SORCS3: variants seen among roughly 807,000 people sequenced by gnomAD.
The protein encoded by SORCS3 is VPS10 domain-containing receptor SorCS3.
A neutral mutation model predicts 146.3 loss-of-function variants in SORCS3; 57 were observed. The ratio of observed to expected loss-of-function variants is 0.39; its 90% CI spans 0.31 to 0.49. The LOEUF is 0.49. Among genes scored for constraint, SORCS3 ranks in the 20% least tolerant of loss-of-function variants. The probability of loss-of-function intolerance (pLI) is 0.92; values close to 1 mark genes in which losing one functional copy is unlikely to be tolerated. For synonymous variants in SORCS3, 653 were observed against 618.5 expected, an observed-to-expected ratio of 1.06 and a Z score of -0.83; for missense variants, 1,341 against 1,575.5, an observed-to-expected ratio of 0.85 and a Z score of 2.52.
chr10:104,975,263 A>G (rs555634743), intron 3 of SORCS3, among the ~76,000 whole-genome samples: 5 of 152,296 alleles, frequency 3.3e-5, no homozygotes, highest in African/African-American at 9.6e-5. Context: ...TTATACACCA[A>G]TAACAGACAA....
At chr10:104,711,900 G>A (rs1209998160) in intron 1 of SORCS3, among the ~76,000 whole-genome samples, 1 of 152,000 alleles carries the variant, frequency 6.6e-6, no homozygotes, top group African/African-American at 2.4e-5. Context: ...AGTGAAGGAG[G>A]ATGGAACTAG....
intron 7 of SORCS3, among the ~76,000 whole-genome samples, chr10:105,109,763 T>C (rs1407203678): frequency 6.6e-6 from 1 of 152,042 alleles, no homozygotes; most frequent in African/African-American, 2.4e-5. Context: ...TTGGCCAATA[T>C]ATTGTTATCA....
intron 1 of SORCS3, chr10:104,822,249 G>A (rs1320688803): frequency 2.9e-6 from 1 of 344,722 alleles, no homozygotes; most frequent in Admixed American, 3.9e-5. Flanking sequence ...TTAGACCAGA[G>A]TCAACACACA....
At chr10:105,133,119 C>T (rs1055679627) in intron 7 of SORCS3, among the ~76,000 whole-genome samples, 87 of 152,112 alleles carry the variant, frequency 5.7e-4, no homozygotes, top group African/African-American at 2.0e-3. Context: ...CCCTGAAGGG[C>T]TGTGCGATCT....
At chr10:104,905,289 A>C (rs1564710158) in intron 2 of SORCS3, among the ~76,000 whole-genome samples, 1 of 152,196 alleles carries the variant, frequency 6.6e-6, no homozygotes, top group Admixed American at 6.5e-5. Context: ...TTAGAGGCTC[A>C]AAAAGGAGAG....
At chr10:105,237,430 C>T (rs561552059) in intron 20 of SORCS3, among the ~76,000 whole-genome samples, 1 of 152,244 alleles carries the variant, frequency 6.6e-6, no homozygotes, top group South Asian at 2.1e-4. Flanking sequence ...CTGTTGTGCC[C>T]ATCATTTGCA....
intron 20 of SORCS3, among the ~76,000 whole-genome samples, chr10:105,234,217 C>G (rs1323785495): frequency 1.3e-5 from 2 of 152,022 alleles, no homozygotes; most frequent in Non-Finnish European, 1.5e-5. Context: ...TTCTTGCTTA[C>G]ATGGTTTCTG....
rs869126985 is a variant in SORCS3 at position 104,698,271 on chromosome 10, CCCTGAGACCCAAGG to C, written c.627+56331_627+56344del. Among the ~76,000 whole-genome samples the C allele has an allele frequency of 9.9e-5, 15 of 152,146 alleles. 1 individual carries two copies. Among genetic ancestry groups the C allele is most frequent in the African/African-American group, 3.4e-4 (14 of 41,490 alleles). Reference sequence around the variant, plus strand: ...AGTGGCTTGTACAGAGTCACATGGGCCCTGAGACCCAAGGCCTGAGACCCAAGCCCTGATTTCCT... The same window carrying C: ...AGTGGCTTGTACAGAGTCACATGGGCCCTGAGACCCAAGCCCTGATTTCCT... On this transcript the variant is annotated intron_variant, in intron 1 of 26. Coordinates refer to ENST00000369701, the MANE Select transcript of SORCS3 (RefSeq NM_014978.3).
chr10:104,662,070 G>C (rs533784392), intron 1 of SORCS3, among the ~76,000 whole-genome samples: 102 of 152,272 alleles, frequency 6.7e-4, no homozygotes, highest in South Asian at 6.6e-3. Context: ...AGAGAAGTTA[G>C]ATTATCAAGC....
At chr10:105,135,547 G>A (rs543297374) in intron 7 of SORCS3, among the ~76,000 whole-genome samples, 18 of 152,254 alleles carry the variant, frequency 1.2e-4, no homozygotes, top group Admixed American at 1.2e-3. Context: ...ACATGGCCAG[G>A]CTGAGAATTT....
At chr10:104,751,884 C>T (rs534143823) in intron 1 of SORCS3, among the ~76,000 whole-genome samples, 62 of 126,118 alleles carry the variant, frequency 4.9e-4, no homozygotes, top group Admixed American at 2.9e-3. Context: ...CAATTAAGTT[C>T]TTATATGCTC....
intron 4 of SORCS3, among the ~76,000 whole-genome samples, chr10:105,016,449 T>G (rs1242049318): frequency 4.6e-5 from 7 of 151,878 alleles, no homozygotes; most frequent in Middle Eastern, 3.2e-3. Context: ...GTGCCTGGCC[T>G]TATAAATATA....
chr10:104,834,571 C>T (rs146382858), intron 1 of SORCS3, among the ~76,000 whole-genome samples: 1 of 151,842 alleles, frequency 6.6e-6, no homozygotes, highest in African/African-American at 2.4e-5. Context: ...CACCTGCCAC[C>T]CCCCCAGCCC....
At chr10:104,838,074 A>C (rs1446956897) in intron 1 of SORCS3, among the ~76,000 whole-genome samples, 1 of 152,156 alleles carries the variant, frequency 6.6e-6, no homozygotes, top group Non-Finnish European at 1.5e-5. Context: ...GAAGATTGAG[A>C]ATTGCCCAGT....
chr10:105,144,143 A>G (rs779552854), intron 8 of SORCS3, among the ~76,000 whole-genome samples: 2 of 152,130 alleles, frequency 1.3e-5, no homozygotes, highest in African/African-American at 4.8e-5. Flanking sequence ...ACCCCTTATG[A>G]TGTTACCCAC....
intron 4 of SORCS3, among the ~76,000 whole-genome samples, chr10:104,990,968 G>A (rs1054774949): frequency 6.6e-6 from 1 of 152,130 alleles, no homozygotes; most frequent in Non-Finnish European, 1.5e-5. Flanking sequence ...TGTTACAGTA[G>A]CAATAGGAAA....
chr10:105,247,232 C>T lies in SORCS3; in HGVS notation c.3006C>T (p.Ser1002=). 1 of 1,598,968 alleles carries T rather than the reference C, an allele frequency of 6.3e-7. No individual in the cohort carries two copies. Among genetic ancestry groups the T allele is most frequent in the Non-Finnish European group, 8.6e-7 (1 of 1,168,480 alleles). The change falls in exon 22 of 27, where the codon TCC becomes TCT. Residue 1002 remains serine, a synonymous_variant. Coordinates refer to ENST00000369701, the MANE Select transcript of SORCS3 (RefSeq NM_014978.3). The part of the protein sequence containing the change: ...KEIAVHEYFQ[S]QLLSFSPNLD... ...CTCTCCCTGCAGAATATTTCCAGTC[C>T]CAGCTTTTATCATTCTCTCCTAATC... is the stretch of plus-strand genomic sequence containing the variant.
chr10:104,833,409 G>A (rs988865887), intron 1 of SORCS3, among the ~76,000 whole-genome samples: 5 of 152,138 alleles, frequency 3.3e-5, no homozygotes, highest in African/African-American at 7.2e-5. Flanking sequence ...ATTCCATGGT[G>A]AGCCTAGGGG....
chr10:104,792,304 T>C (rs544839952), intron 1 of SORCS3, among the ~76,000 whole-genome samples: 2 of 152,282 alleles, frequency 1.3e-5, no homozygotes, highest in Admixed American at 1.3e-4. Context: ...GGTAGGGAGA[T>C]GGTGGAAGAT....
Sources: gnomAD v4.1 joint callset for allele counts (sites outside exome capture counted in the v4.1 genomes callset) on GRCh38, gnomAD v4.1.1 for gene constraint, MANE v1.5 for transcripts, NCBI Gene and HGNC (gene_info 2026-07-23, HGNC 2026-07-21) for gene names.